CDC42BPA: variants seen among roughly 807,000 people sequenced by gnomAD.
The protein encoded by CDC42BPA is CDC42 binding protein kinase alpha, also known as serine/threonine-protein kinase MRCK alpha.
Under a neutral mutation model 223.5 loss-of-function variants are expected in CDC42BPA, and 80 were observed. The observed-to-expected ratio is 0.36, with a 90% CI of 0.30 to 0.43. CDC42BPA has a LOEUF of 0.43. Ranked by LOEUF, CDC42BPA falls within the 20% of genes least tolerant of loss-of-function variation. The pLI is 1.00. For synonymous variants in CDC42BPA, 694 were observed against 718.6 expected, an observed-to-expected ratio of 0.97 and a Z score of 0.55; for missense variants, 1,743 against 2,099.9, an observed-to-expected ratio of 0.83 and a Z score of 3.32.
intron 4 of CDC42BPA, among the ~76,000 whole-genome samples, chr1:227,195,965 G>T (rs1227569288): frequency 1.3e-5 from 2 of 152,054 alleles, no homozygotes; most frequent in African/African-American, 4.8e-5. Context: ...CACATAAGAG[G>T]GAACACAATC....
At chr1:227,034,258 G>A (rs1430240254) in intron 26 of CDC42BPA, among the ~76,000 whole-genome samples, 1 of 152,150 alleles carries the variant, frequency 6.6e-6, no homozygotes, top group Non-Finnish European at 1.5e-5. Context: ...GTGTTCAAGG[G>A]CTGTACTTAC....
At chr1:227,268,566 T>C (rs1165574221) in intron 1 of CDC42BPA, among the ~76,000 whole-genome samples, 1 of 146,696 alleles carries the variant, frequency 6.8e-6, no homozygotes, top group East Asian at 1.9e-4. Context: ...TTTTTCTGTA[T>C]ATATATAGTG....
chr1:227,032,979 A>G (rs1338441920), intron 27 of CDC42BPA, among the ~76,000 whole-genome samples: 1 of 152,252 alleles, frequency 6.6e-6, no homozygotes, highest in African/African-American at 2.4e-5. Context: ...AGTAAGTAAC[A>G]AACGCATTAA....
intron 1 of CDC42BPA, among the ~76,000 whole-genome samples, chr1:227,265,566 T>C (rs888990787): frequency 5.3e-5 from 8 of 150,584 alleles, no homozygotes; most frequent in African/African-American, 2.0e-4. Flanking sequence ...GAGGTGGAGG[T>C]TGCAGTGACC....
chr1:227,253,607 A>AATACATAC lies in CDC42BPA; in HGVS notation c.270+449_270+456dup, dbSNP rs1553419178. Among the ~76,000 whole-genome samples the AATACATAC allele has an allele frequency of 9.0e-3, 1,050 of 116,524 alleles. 8 individuals are homozygous for AATACATAC. Among genetic ancestry groups the AATACATAC allele is most frequent in the African/African-American group, 0.023 (693 of 29,816 alleles). The allele number at this position is 116,524 out of a possible 152,430, so 76.4% of individuals were successfully genotyped here. A position where few individuals can be genotyped will look rare whatever the true frequency, so the allele number is the denominator to read the frequency against. Reference sequence around the variant, plus strand: ...GGAAACTCCATCTCAAAAATAAATAAATACATACATACATACATACATACA... The same window carrying AATACATAC: ...GGAAACTCCATCTCAAAAATAAATAAATACATACATACATACATACATACATACATACA... On this transcript the variant is annotated intron_variant, in intron 2 of 36. Transcript: ENST00000366766.
chr1:227,198,624 A>C (rs997641748), intron 4 of CDC42BPA, among the ~76,000 whole-genome samples: 1 of 152,118 alleles, frequency 6.6e-6, no homozygotes. Context: ...ATCTGGCCTG[A>C]AATCAGATAA....
intron 10 of CDC42BPA, among the ~76,000 whole-genome samples, chr1:227,131,544 C>A (rs1657108588): frequency 6.6e-6 from 1 of 152,144 alleles, no homozygotes; most frequent in Admixed American, 6.5e-5. Context: ...GTGTACTCTG[C>A]CAATGAATCT....
intron 1 of CDC42BPA, among the ~76,000 whole-genome samples, chr1:227,265,769 T>TA (rs1356604564): frequency 2.6e-5 from 4 of 152,220 alleles, no homozygotes; most frequent in African/African-American, 9.6e-5. Flanking sequence ...TACATAATTG[T>TA]AAAAATAAAA....
intron 2 of CDC42BPA, among the ~76,000 whole-genome samples, chr1:227,244,360 A>T (rs1680531673): frequency 6.6e-6 from 1 of 152,244 alleles, no homozygotes; most frequent in Admixed American, 6.5e-5. Flanking sequence ...ACAAAAGTGT[A>T]CTGTTGAGCA....
At chr1:227,144,574 C>CAAGAAAAAAA in intron 8 of CDC42BPA, among the ~76,000 whole-genome samples, 1 of 63,476 alleles carries the variant, frequency 1.6e-5, no homozygotes, top group Non-Finnish European at 2.7e-5. Flanking sequence ...GACTCTGTCT[C>CAAGAAAAAAA]AAAAAAAAAA....
intron 33 of CDC42BPA, among the ~76,000 whole-genome samples, chr1:227,016,606 A>G (rs1666315260): frequency 6.6e-6 from 1 of 152,182 alleles, no homozygotes; most frequent in African/African-American, 2.4e-5. Context: ...AGACATATAC[A>G]GGTTTACTGT....
intron 1 of CDC42BPA, among the ~76,000 whole-genome samples, chr1:227,291,358 G>A (rs1053313841): frequency 6.6e-6 from 1 of 152,146 alleles, no homozygotes; most frequent in African/African-American, 2.4e-5. Flanking sequence ...AAACCAGCCT[G>A]TCTAACATGG....
At chr1:227,267,329 C>G (rs1685173891) in intron 1 of CDC42BPA, among the ~76,000 whole-genome samples, 1 of 152,120 alleles carries the variant, frequency 6.6e-6, no homozygotes, top group Non-Finnish European at 1.5e-5. Flanking sequence ...ATCCAGTGAT[C>G]TCTTAAAGCT....
chr1:227,056,355 G>GT (rs1304419112), intron 21 of CDC42BPA, among the ~76,000 whole-genome samples: 5 of 151,394 alleles, frequency 3.3e-5, no homozygotes, highest in Non-Finnish European at 7.4e-5. Flanking sequence ...AACATAAACT[G>GT]TAAGTTAAAA....
At chr1:227,281,686 G>A (rs1403641745) in intron 1 of CDC42BPA, among the ~76,000 whole-genome samples, 1 of 152,108 alleles carries the variant, frequency 6.6e-6, no homozygotes, top group Non-Finnish European at 1.5e-5. Context: ...ACTAGCCTGA[G>A]TTAGAGCTTT....
chr1:227,196,540 C>T lies in CDC42BPA; in HGVS notation c.451-2606G>A, dbSNP rs187266283. ...ATTTTTAGTAGAGACCGGGTTTCAC[C>T]GTGTTAGCCAGGATGGTCTCGATCT... On this transcript the variant is annotated intron_variant, in intron 4 of 36. Coordinates refer to ENST00000366766, the MANE Select transcript of CDC42BPA (RefSeq NM_001394014.1). Among the ~76,000 whole-genome samples the T allele has an allele frequency of 8.8e-4, 133 of 151,950 alleles. 1 individual carries two copies. The highest frequency in any genetic ancestry group is 2.1e-3 in the African/African-American group (87 of 41,478).
intron 1 of CDC42BPA, among the ~76,000 whole-genome samples, chr1:227,271,011 C>T (rs1202337550): frequency 6.6e-6 from 1 of 152,044 alleles, no homozygotes; most frequent in East Asian, 1.9e-4. Context: ...CATTTTTTGG[C>T]TATTGTGAGT....
intron 1 of CDC42BPA, among the ~76,000 whole-genome samples, chr1:227,309,209 A>AT (rs1367444309): frequency 2.1e-4 from 32 of 151,406 alleles, no homozygotes; most frequent in African/African-American, 7.2e-4. Flanking sequence ...CTACCAAAAA[A>AT]AAAAAAAAAA....
rs1694585060 is a variant in CDC42BPA, at chr1:227,317,455, ATATT to A, written c.-277_-274del. ...TTTTAAAAGAATACAATTAAGTCGT[ATATT>A]TAAATAAAATAATAATTAAAAGTAC... On this transcript the variant is annotated 5_prime_UTR_variant, in exon 1 of 37. Coordinates refer to ENST00000366766, the MANE Select transcript of CDC42BPA (RefSeq NM_001394014.1). The A allele has an allele frequency of 2.5e-6, 1 of 399,830 alleles. No individual in the cohort carries two copies. Among genetic ancestry groups the A allele is most frequent in the Non-Finnish European group, 4.4e-6 (1 of 227,418 alleles). 24.8% of individuals were successfully genotyped at this position (399,830 alleles called of 1,614,324 possible).
Sources: gnomAD v4.1 joint callset for allele counts (sites outside exome capture counted in the v4.1 genomes callset) on GRCh38, gnomAD v4.1.1 for gene constraint, MANE v1.5 for transcripts, NCBI Gene and HGNC (gene_info 2026-07-23, HGNC 2026-07-21) for gene names.